The following ARHGEF11 variants were observed in gnomAD, a reference collection of about 807,000 sequenced individuals.
ARHGEF11 encodes Rho guanine exchange factor (GEF) 11.
A neutral mutation model predicts 193.7 loss-of-function variants in ARHGEF11; 55 were observed. That is an observed-to-expected ratio of 0.28 (90% CI 0.23 to 0.36). ARHGEF11 has a LOEUF of 0.36. Among genes scored for constraint, ARHGEF11 ranks in the 10% least tolerant of loss-of-function variants. The pLI is 1.00. For synonymous variants in ARHGEF11, 693 were observed against 768.0 expected (o/e 0.90, Z 1.62); for missense variants, 1,723 against 2,005.6 (o/e 0.86, Z 2.69).
intron 14 of ARHGEF11, 91 bp from the exon 15 acceptor site, chr1:156,960,551 G>T (rs899165013): frequency 8.0e-7 from 1 of 1,257,620 alleles, no homozygotes; most frequent in Non-Finnish European, 1.1e-6. Flanking sequence ...TTGGCCACAT[G>T]AACTTCTTGC....
At chr1:156,937,119 G>C (rs1257706843) in intron 39 of ARHGEF11, 114 bp from the exon 40 acceptor site, 1 of 1,565,198 alleles carries the variant, frequency 6.4e-7, no homozygotes, top group Non-Finnish European at 8.7e-7. Flanking sequence ...GTGGCTGGGC[G>C]GGCTGGGGGA....
At chr1:156,973,525 G>A (rs1258498190) in intron 7 of ARHGEF11, among the ~76,000 whole-genome samples, 3 of 152,166 alleles carry the variant, frequency 2.0e-5, no homozygotes, top group Non-Finnish European at 4.4e-5. Flanking sequence ...GAGGATATCC[G>A]AATCTCTGTT....
intron 1 of ARHGEF11, among the ~76,000 whole-genome samples, chr1:157,038,204 T>C (rs930506304): frequency 7.2e-5 from 11 of 152,092 alleles, no homozygotes; most frequent in African/African-American, 2.7e-4. Context: ...GTTCCCTACA[T>C]GATTTGAGGC....
At chr1:157,024,430 G>A (rs1670398229) in intron 1 of ARHGEF11, among the ~76,000 whole-genome samples, 1 of 152,136 alleles carries the variant, frequency 6.6e-6, no homozygotes, top group Admixed American at 6.6e-5. Context: ...TATAAAAGAA[G>A]AATATACATG....
chr1:156,936,115 T>C (rs769764444), intron 40 of ARHGEF11, 57 bp from the exon 41 acceptor site: 6 of 1,552,122 alleles, frequency 3.9e-6, no homozygotes, highest in Non-Finnish European at 5.3e-6. Context: ...CGCTTCCACA[T>C]GTTTTGTCTA....
intron 36 of ARHGEF11, 33 bp downstream of exon 36, chr1:156,940,174 C>T: frequency 6.5e-7 from 1 of 1,538,494 alleles, no homozygotes. Flanking sequence ...GACTGGGGAC[C>T]AGGGGCTGAC....
At position 156,939,841 on chromosome 1, in the gene ARHGEF11, T is replaced by C. The variant is rs779230294; in HGVS notation, c.3803A>G (p.Gln1268Arg). ...GGGTGTCAGGTCGTCCTCGGGCTCC[T>C]GGGCAGCCTGAGTTTCCATGGTGTG... Reference protein sequence around the residue: ...PGHTMETQAAQEPEDDLTPTP... With the variant: ...PGHTMETQAAREPEDDLTPTP... Residue 1268 changes from glutamine to arginine, a missense_variant, in exon 37 of 41, where the codon CAG (glutamine) becomes CGG (arginine). Around this residue, in one of 5 missense-constraint regions of ARHGEF11, gnomAD observed 203 missense variants for 237.3 expected, o/e 0.86. Coordinates refer to ENST00000368194, the MANE Select transcript of ARHGEF11 (RefSeq NM_198236.3). 16 of 1,612,510 alleles carry C rather than the reference T, an allele frequency of 9.9e-6. No individual in the cohort carries two copies. In the Admixed American group the frequency reaches 1.0e-4, roughly 10 times the overall value.
Position 157,001,015 on chromosome 1 carries a change from C to T in ARHGEF11, c.33-14842G>A, listed in dbSNP as rs543047493. Among the ~76,000 whole-genome samples, 9 of 152,280 alleles carry T rather than the reference C, an allele frequency of 5.9e-5. No individual in the cohort carries two copies. In the South Asian group the frequency reaches 1.5e-3, roughly 25 times the overall value. On this transcript the variant is annotated intron_variant, in intron 1 of 40. Coordinates refer to ENST00000368194, the MANE Select transcript of ARHGEF11 (RefSeq NM_198236.3). ...CCCTGGAAATTCCTGTTCTACCCTTCGAAAACCTGTGCGGAAGCTCCCCTC... is the reference window on the plus strand; with the variant it reads ...CCCTGGAAATTCCTGTTCTACCCTTTGAAAACCTGTGCGGAAGCTCCCCTC...
chr1:156,990,436 T>C (rs1399900497), intron 1 of ARHGEF11, among the ~76,000 whole-genome samples: 1 of 152,210 alleles, frequency 6.6e-6, no homozygotes. Flanking sequence ...TGTGGGATGA[T>C]ATTTTGAGAC....
chr1:156,980,346 G>T, intron 4 of ARHGEF11, 91 bp downstream of exon 4: 1 of 1,484,456 alleles, frequency 6.7e-7, no homozygotes, highest in Non-Finnish European at 9.2e-7. Flanking sequence ...TTGGTATCAA[G>T]ATGAAAGTGT....
chr1:157,044,474 C>T lies in ARHGEF11; in HGVS notation c.-144G>A. The T allele has an allele frequency of 1.4e-6, 1 of 736,526 alleles. No individual in the cohort carries two copies. Among genetic ancestry groups the T allele is most frequent in the South Asian group, 1.5e-5 (1 of 65,094 alleles). The allele number at this position is 736,526 out of a possible 1,614,324, so 45.6% of individuals were successfully genotyped here. On this transcript the variant is annotated 5_prime_UTR_variant, in exon 1 of 41. Coordinates refer to ENST00000368194, the MANE Select transcript of ARHGEF11 (RefSeq NM_198236.3). Reference sequence around the variant, plus strand: ...CCTTTCTCCTCCAGCTCTCAGGACCCTGGTAACTGATGCTCCACTCTACTT... The same window carrying T: ...CCTTTCTCCTCCAGCTCTCAGGACCTTGGTAACTGATGCTCCACTCTACTT...
intron 1 of ARHGEF11, among the ~76,000 whole-genome samples, chr1:157,028,426 C>T (rs866985921): frequency 1.9e-4 from 29 of 152,024 alleles, no homozygotes; most frequent in African/African-American, 6.8e-4. Context: ...GAAAAACAGG[C>T]GTAGAAAGGT....
At position 156,968,242 on chromosome 1, in the gene ARHGEF11, A is replaced by G. The variant is rs929385516; in HGVS notation, c.826-118T>C. The G allele has an allele frequency of 7.4e-5, 86 of 1,157,406 alleles. No homozygotes were observed. The African/African-American group carries it at 1.3e-3, about 17-fold the overall frequency. 71.7% of individuals were successfully genotyped at this position (1,157,406 alleles called of 1,614,324 possible). A position where few individuals can be genotyped will look rare whatever the true frequency, so the allele number is the denominator to read the frequency against. ...TAACATCAGCTAAGAGAAGTGCAGT[A>G]CTTGCTCTGTGCCTGGTATTATACT... On this transcript the variant is annotated intron_variant, in intron 10 of 40. Coordinates refer to ENST00000368194, the MANE Select transcript of ARHGEF11 (RefSeq NM_198236.3).
intron 2 of ARHGEF11, among the ~76,000 whole-genome samples, chr1:156,984,991 G>A (rs1288048946): frequency 6.6e-6 from 1 of 150,980 alleles, no homozygotes; most frequent in African/African-American, 2.4e-5. Flanking sequence ...TTTTATTTCT[G>A]AAATAAAAGG....
chr1:156,936,518 AT>A (rs1655343708), intron 40 of ARHGEF11, among the ~76,000 whole-genome samples: 2 of 135,256 alleles, frequency 1.5e-5, no homozygotes, highest in African/African-American at 5.7e-5. Context: ...ATATATATAT[AT>A]ATATATAAAA....
In ARHGEF11 at chr1:156,937,316, G is replaced by T; in HGVS notation, c.4373C>A (p.Ala1458Asp). The T allele has an allele frequency of 6.2e-7, 1 of 1,613,984 alleles. No homozygotes were observed. The highest frequency in any genetic ancestry group is 8.5e-7 in the Non-Finnish European group (1 of 1,179,940). Residue 1458 changes from alanine to aspartate, a missense_variant, in exon 39 of 41, where the codon GCC becomes GAC. Transcript: ENST00000368194. ...RRPSRSPPSLALRDVGMIFHT... is the reference protein window; with the variant it reads ...RRPSRSPPSLDLRDVGMIFHT... ...GAAGATCATGCCCACGTCCCTGAGG[G>T]CCAGGCTTGGAGGAGAGCGGCTGGG...
chr1:157,028,484 A>T (rs999304259), intron 1 of ARHGEF11, among the ~76,000 whole-genome samples: 1 of 152,176 alleles, frequency 6.6e-6, no homozygotes, highest in African/African-American at 2.4e-5. Context: ...TCATACCCCT[A>T]ATTACCAGAC....
chr1:157,014,189 A>G (rs1448661759), intron 1 of ARHGEF11, among the ~76,000 whole-genome samples: 1 of 152,160 alleles, frequency 6.6e-6, no homozygotes, highest in Non-Finnish European at 1.5e-5. Flanking sequence ...CCCTATCATT[A>G]GATTGTATTG....
rs377496060 is a variant in ARHGEF11 at position 157,015,373 on chromosome 1, A to T, written c.32+28926T>A. ...GGGACGCTCACAGGCTGTTATGAGGATTAAAGGAATTATTATGTGCAAAGT... is the reference window on the plus strand; with the variant it reads ...GGGACGCTCACAGGCTGTTATGAGGTTTAAAGGAATTATTATGTGCAAAGT... On this transcript the variant is annotated intron_variant, in intron 1 of 40. Coordinates refer to ENST00000368194, the MANE Select transcript of ARHGEF11 (RefSeq NM_198236.3). 4.6e-5 allele frequency among the ~76,000 whole-genome samples: 7 copies of T among 152,294 alleles called. No homozygotes were observed. In the East Asian group the frequency reaches 1.2e-3, roughly 25 times the overall value.
Sources: gnomAD v4.1 joint callset for allele counts (sites outside exome capture counted in the v4.1 genomes callset) on GRCh38, gnomAD v4.1.1 for gene constraint, gnomAD v4.1.1 regional missense constraint, MANE v1.5 for transcripts, NCBI Gene and HGNC (gene_info 2026-07-23, HGNC 2026-07-21) for gene names.